The following NCMAP variants were observed in gnomAD, a reference collection of about 807,000 sequenced individuals.
The protein encoded by NCMAP is noncompact myelin-associated protein.
A neutral mutation model predicts 7.8 loss-of-function variants in NCMAP; 8 were observed. That is an observed-to-expected ratio of 1.02 (90% CI 0.60 to 1.84). The LOEUF is 1.84. Among genes scored for constraint, NCMAP ranks in the 40% most tolerant of loss-of-function variants. The pLI is 0.00. For missense variants in NCMAP, 112 were observed against 131.4 expected, an observed-to-expected ratio of 0.85 and a Z score of 0.72; for synonymous variants, 41 against 52.9, an observed-to-expected ratio of 0.78 and a Z score of 0.98.
intron 3 of NCMAP, among the ~76,000 whole-genome samples, chr1:24,601,641 T>G (rs1283106103): frequency 6.6e-6 from 1 of 152,180 alleles, no homozygotes; most frequent in African/African-American, 2.4e-5. Flanking sequence ...TGTGGTAGTG[T>G]GGTCTGTAAT....
At chr1:24,599,801 C>T (rs1355790586) in intron 2 of NCMAP, among the ~76,000 whole-genome samples, 1 of 132,242 alleles carries the variant, frequency 7.6e-6, no homozygotes, top group Admixed American at 8.9e-5. Flanking sequence ...TGGTCTCGAA[C>T]TCCTGACCTC....
intron 1 of NCMAP, among the ~76,000 whole-genome samples, chr1:24,578,401 G>A (rs1651650403): frequency 6.6e-6 from 1 of 151,314 alleles, no homozygotes; most frequent in Non-Finnish European, 1.5e-5. Flanking sequence ...CCAGGATCCT[G>A]GGACACGGAG....
chr1:24,604,096 T>G (rs1652600262), intron 3 of NCMAP, among the ~76,000 whole-genome samples: 1 of 152,140 alleles, frequency 6.6e-6, no homozygotes, highest in South Asian at 2.1e-4. Context: ...CATTAATGGA[T>G]TCATGAGGGT....
intron 1 of NCMAP, among the ~76,000 whole-genome samples, chr1:24,558,893 T>C (rs147444390): frequency 1.3e-5 from 2 of 151,912 alleles, no homozygotes; most frequent in African/African-American, 4.8e-5. Flanking sequence ...TAAATTGGGA[T>C]GAAAGGTTAA....
chr1:24,577,401 GTTTTTTTTTTTTTTTT>G (rs71577720), intron 1 of NCMAP, among the ~76,000 whole-genome samples: 1 of 39,956 alleles, frequency 2.5e-5, no homozygotes, highest in South Asian at 1.2e-3. Context: ...CACTGGCCTT[GTTTTTTTTTTTTTTTT>G]TTTTTTTTTT....
intron 3 of NCMAP, among the ~76,000 whole-genome samples, chr1:24,604,014 T>C (rs1652596667): frequency 6.6e-6 from 1 of 152,196 alleles, no homozygotes; most frequent in Non-Finnish European, 1.5e-5. Flanking sequence ...TTATCCACGA[T>C]AGAAGGGCAA....
intron 2 of NCMAP, among the ~76,000 whole-genome samples, chr1:24,599,576 C>A (rs1430607341): frequency 6.6e-6 from 1 of 151,598 alleles, no homozygotes; most frequent in East Asian, 1.9e-4. Context: ...AACATGGCTC[C>A]TTTTTTTTGG....
intron 2 of NCMAP, among the ~76,000 whole-genome samples, chr1:24,599,646 C>T (rs548450854): frequency 9.2e-5 from 14 of 151,484 alleles, no homozygotes; most frequent in African/African-American, 1.9e-4. Context: ...GGCACGATCT[C>T]GGCTCACTGA....
intron 1 of NCMAP, among the ~76,000 whole-genome samples, chr1:24,594,861 A>C (rs1359319919): frequency 3.3e-5 from 5 of 151,976 alleles, no homozygotes; most frequent in African/African-American, 1.2e-4. Context: ...ACTGCACTCC[A>C]GCCTGGGCGA....
intron 1 of NCMAP, among the ~76,000 whole-genome samples, chr1:24,564,386 T>A (rs896968311): frequency 1.3e-5 from 2 of 151,410 alleles, no homozygotes; most frequent in Admixed American, 6.6e-5. Flanking sequence ...GGTGGGCGCC[T>A]GTAATTCCAG....
chr1:24,584,377 C>T (rs1163718776), intron 1 of NCMAP, among the ~76,000 whole-genome samples: 1 of 152,210 alleles, frequency 6.6e-6, no homozygotes, highest in Non-Finnish European at 1.5e-5. Context: ...GCCTTGTGAC[C>T]ACTTTCAGCT....
chr1:24,561,638 C>T lies in NCMAP; in HGVS notation c.-8+5469C>T, dbSNP rs192566240. Among the ~76,000 whole-genome samples, 13 of 152,178 alleles carry T rather than the reference C, an allele frequency of 8.5e-5. No individual in the cohort carries two copies. In the East Asian group the frequency reaches 1.7e-3, roughly 20 times the overall value. On this transcript the variant is annotated intron_variant, in intron 1 of 3. Coordinates refer to ENST00000374392, the MANE Select transcript of NCMAP (RefSeq NM_001010980.5). ...AAAGAAGGAAGGGAGGGGCCGGGCG[C>T]GGTGGCTCATGCCTGTAATCCCAGC...
chr1:24,573,952 C>CGAAAA (rs1651466411), intron 1 of NCMAP, among the ~76,000 whole-genome samples: 1 of 84,454 alleles, frequency 1.2e-5, no homozygotes, highest in African/African-American at 5.4e-5. Context: ...CCAGAGAGGA[C>CGAAAA]AAAAAAAAAA....
chr1:24,564,227 A>T (rs956926272), intron 1 of NCMAP, among the ~76,000 whole-genome samples: 2 of 152,052 alleles, frequency 1.3e-5, no homozygotes, highest in Non-Finnish European at 2.9e-5. Context: ...AAGCTGAGAG[A>T]GGCCAGGCGC....
At chr1:24,591,531 G>T (rs971817544) in intron 1 of NCMAP, among the ~76,000 whole-genome samples, 1 of 152,254 alleles carries the variant, frequency 6.6e-6, no homozygotes, top group African/African-American at 2.4e-5. Flanking sequence ...GCCTCCCAAA[G>T]TGCTGGGATT....
At chr1:24,604,595 A>C (rs1652629922) in intron 3 of NCMAP, among the ~76,000 whole-genome samples, 6 of 65,074 alleles carry the variant, frequency 9.2e-5, no homozygotes, top group African/African-American at 5.4e-4. Flanking sequence ...AAAAAAAAAA[A>C]AAAAAAAAAA....
At chr1:24,572,979 G>A (rs1162565628) in intron 1 of NCMAP, among the ~76,000 whole-genome samples, 1 of 150,678 alleles carries the variant, frequency 6.6e-6, no homozygotes, top group African/African-American at 2.5e-5. Flanking sequence ...CAATGGGACT[G>A]TGAACATGAA....
rs1292787826 is a variant in NCMAP at position 24,605,695 on chromosome 1, A to T, written c.257A>T (p.His86Leu). Residue 86 changes from histidine (H) to leucine (L), a missense_variant, in exon 4 of 4, where the codon CAC (histidine) becomes CTC (leucine). Coordinates refer to ENST00000374392, the MANE Select transcript of NCMAP (RefSeq NM_001010980.5). ...AVGPNSNGSQ[H>L]PATVTFSPVD... ...GGCCCAAACAGCAACGGCAGCCAAC[A>T]CCCAGCAACTGTGACCTTCAGTCCT... The T allele has an allele frequency of 6.2e-7, 1 of 1,614,122 alleles. No homozygotes were observed. The highest frequency in any genetic ancestry group is 1.7e-5 in the Admixed American group (1 of 60,016).
chr1:24,602,884 C>CA (rs1176911795), intron 3 of NCMAP, among the ~76,000 whole-genome samples: 1 of 151,470 alleles, frequency 6.6e-6, no homozygotes, highest in African/African-American at 2.4e-5. Context: ...ACTGAAAATA[C>CA]AAAAAATCAG....
Sources: gnomAD v4.1 joint callset for allele counts (sites outside exome capture counted in the v4.1 genomes callset) on GRCh38, gnomAD v4.1.1 for gene constraint, MANE v1.5 for transcripts, NCBI Gene and HGNC (gene_info 2026-07-23, HGNC 2026-07-21) for gene names.